Variants in VWCE observed in about 807,000 individuals in gnomAD.
The protein encoded by VWCE is von Willebrand factor C and EGF domain-containing protein.
VWCE carries 68 observed loss-of-function variants against 102.9 expected under a neutral mutation model. The observed-to-expected ratio is 0.66, with a 90% CI of 0.54 to 0.81. The LOEUF is 0.81. Ranked by LOEUF, VWCE falls within the 30% of genes least tolerant of loss-of-function variation. The probability of loss-of-function intolerance (pLI) is 0.00; values close to 1 mark genes in which losing one functional copy is unlikely to be tolerated. For synonymous variants in VWCE, 497 were observed against 515.4 expected (o/e 0.96, Z 0.48); for missense variants, 1,137 against 1,263.6 (o/e 0.90, Z 1.52).
intron 14 of VWCE, chr11:61,271,157 T>G (rs1272187579): frequency 6.4e-6 from 1 of 155,452 alleles, no homozygotes; most frequent in African/African-American, 2.5e-5. Context: ...TTTTTTTTCT[T>G]TTTTTTTGAG....
Position 61,294,910 on chromosome 11 carries a change from G to A in VWCE, c.110+18C>T. 7.3e-7 allele frequency: 1 copy of A among 1,378,720 alleles called. No homozygotes were observed. The highest frequency in any genetic ancestry group is 3.0e-5 in the East Asian group (1 of 33,084). 85.4% of individuals were successfully genotyped at this position (1,378,720 alleles called of 1,614,324 possible). A position where few individuals can be genotyped will look rare whatever the true frequency, so the allele number is the denominator to read the frequency against. ...GCTCTCCCGGGCGGGGGAGCGGGGA[G>A]GAGCTCCGGGCGCTTACCTCTCGGC... On this transcript the variant is annotated intron_variant, in intron 1 of 19. Coordinates refer to ENST00000335613, the MANE Select transcript of VWCE (RefSeq NM_152718.2). This position sits in a 1 kb window ranked among gnomAD's most constrained non-coding sequence, Gnocchi z 6.3.
chr11:61,274,781 G>T (rs1262659133), intron 11 of VWCE, among the ~76,000 whole-genome samples, 197 bp from the exon 12 acceptor site: 1 of 152,158 alleles, frequency 6.6e-6, no homozygotes, highest in African/African-American at 2.4e-5. Flanking sequence ...CCGACAAAGG[G>T]GTGGGTGTGG....
chr11:61,281,281 G>T (rs756052326), intron 7 of VWCE, 46 bp from the exon 8 acceptor site: 1 of 1,608,052 alleles, frequency 6.2e-7, no homozygotes. Context: ...AGCAGAGACA[G>T]GAGGCAGGGT....
rs768098045 is a variant in VWCE, at chr11:61,267,454, G to A, written c.1965+8C>T. The A allele has an allele frequency of 1.2e-6, 2 of 1,613,974 alleles. No individual in the cohort carries two copies. Among genetic ancestry groups the A allele is most frequent in the Non-Finnish European group, 1.7e-6 (2 of 1,179,886 alleles). Reference sequence around the variant, plus strand: ...CAGGGGCGGGAGTCAGATCTGGGTGGTCCATACCAGGCAGATGCAGCTCAG... The same window carrying A: ...CAGGGGCGGGAGTCAGATCTGGGTGATCCATACCAGGCAGATGCAGCTCAG... On this transcript the variant is annotated splice_region_variant and intron_variant, in intron 16 of 19. Coordinates refer to ENST00000335613, the MANE Select transcript of VWCE (RefSeq NM_152718.2).
At chr11:61,272,947 CACAT>C (rs1400997748) in intron 13 of VWCE, among the ~76,000 whole-genome samples, 1 of 151,932 alleles carries the variant, frequency 6.6e-6, no homozygotes, top group African/African-American at 2.4e-5. Context: ...TACAAAGACA[CACAT>C]ACGCAGGTAC....
intron 14 of VWCE, 132 bp from the exon 15 acceptor site, chr11:61,269,150 G>C: frequency 1.3e-6 from 1 of 763,822 alleles, no homozygotes; most frequent in South Asian, 1.7e-5. Context: ...GCGGCTGGAA[G>C]ATGGCAGGTC....
In VWCE at chr11:61,258,584, C is replaced by G. The variant is rs1374933295; in HGVS notation, c.*91G>C. On this transcript the variant is annotated 3_prime_UTR_variant, in exon 20 of 20. Transcript: ENST00000335613. ...CCTGCAGGAGGGAGCCCAGGCATCC[C>G]CACCAGGTTCATCCTTGGAGCTGCC... 5 of 1,268,946 alleles carry G rather than the reference C, an allele frequency of 3.9e-6. No individual in the cohort carries two copies. Among genetic ancestry groups the G allele is most frequent in the Non-Finnish European group, 5.0e-6 (5 of 993,448 alleles). The allele number at this position is 1,268,946 out of a possible 1,614,324, so 78.6% of individuals were successfully genotyped here.
Position 61,280,708 on chromosome 11 carries a change from C to T in VWCE, c.1240G>A (p.Val414Met), listed in dbSNP as rs773256116. Residue 414 changes from valine to methionine, a missense_variant, in exon 9 of 20, where the codon GTG (valine) becomes ATG (methionine). Val to Met is a conservative substitution (Grantham distance 21). This residue lies in a region of VWCE where 575 missense variants were observed against 625.9 expected (regional missense o/e 0.92). Transcript: ENST00000335613. ...CSQCWCEDGK[V>M]TCEKVRCEAA... is the part of the protein sequence containing the mutation. ...TCACACCTCACCTTTTCACAGGTCA[C>T]CTTCCCGTCCTAGAAGCACAAGCAG... The T allele has an allele frequency of 6.2e-7, 1 of 1,614,008 alleles. No individual in the cohort carries two copies. The highest frequency in any genetic ancestry group is 8.5e-7 in the Non-Finnish European group (1 of 1,180,010).
chr11:61,268,300 T>C (rs1282784256), intron 15 of VWCE, among the ~76,000 whole-genome samples: 1 of 152,188 alleles, frequency 6.6e-6, no homozygotes, highest in East Asian at 1.9e-4. Context: ...ATGCCTGTAA[T>C]CCCAGCACTT....
At chr11:61,286,160 C>T in intron 5 of VWCE, 154 bp downstream of exon 5, 1 of 778,698 alleles carries the variant, frequency 1.3e-6, no homozygotes. Context: ...ATCAGTCAGA[C>T]AGGAACCATA....
Position 61,294,980 on chromosome 11 carries a change from G to T in VWCE, c.58C>A (p.Pro20Thr). The change falls in exon 1 of 20, where the codon CCA (proline) becomes ACA (threonine). Residue 20 changes from proline to threonine, a missense_variant. Physicochemically the swap from Pro to Thr is conservative, Grantham distance 38. Coordinates refer to ENST00000335613, the MANE Select transcript of VWCE (RefSeq NM_152718.2). This position sits in a 1 kb window ranked among gnomAD's most constrained non-coding sequence, Gnocchi z 6.3. ...TTCCTCCCGGTGTAGCCTCGGGCTG[G>T]TGCCCCCGGCAGCAGGAGCGCGACA... Reference protein sequence around the residue: ...ACVALLLPGAPARGYTGRKPP... With the variant: ...ACVALLLPGATARGYTGRKPP... 1.4e-6 allele frequency: 2 copies of T among 1,473,920 alleles called. No individual in the cohort carries two copies. The highest frequency in any genetic ancestry group is 1.8e-6 in the Non-Finnish European group (2 of 1,114,034). The allele number at this position is 1,473,920 out of a possible 1,614,324, so 91.3% of individuals were successfully genotyped here. A position where few individuals can be genotyped will look rare whatever the true frequency, so the allele number is the denominator to read the frequency against.
intron 4 of VWCE, among the ~76,000 whole-genome samples, chr11:61,287,245 G>A (rs539817328): frequency 1.3e-5 from 2 of 152,208 alleles, no homozygotes; most frequent in African/African-American, 4.8e-5. Context: ...CTGCACCCCA[G>A]GAAAAAAGAG....
At chr11:61,290,960 C>T in intron 3 of VWCE, 33 bp from the exon 4 acceptor site, 1 of 1,596,800 alleles carries the variant, frequency 6.3e-7, no homozygotes, top group Non-Finnish European at 8.6e-7. Flanking sequence ...GAGCATGCAC[C>T]CCGTGGCAGT....
In VWCE at chr11:61,269,181, A is replaced by G. The variant is rs181977208; in HGVS notation, c.1786-163T>C. 3.1e-3 allele frequency: 1,979 copies of G among 629,068 alleles called. 5 individuals carry two copies. The highest frequency in any genetic ancestry group is 4.3e-3 in the Non-Finnish European group (1,515 of 355,862). 39.0% of individuals were successfully genotyped at this position (629,068 alleles called of 1,614,324 possible). On this transcript the variant is annotated intron_variant, in intron 14 of 19. Coordinates refer to ENST00000335613, the MANE Select transcript of VWCE (RefSeq NM_152718.2). Reference sequence around the variant, plus strand: ...AGGTCTCCCCTAAAGAGGATCGGCTACTTGAGAAAGGCCATGTGAGCCTTC... The same window carrying G: ...AGGTCTCCCCTAAAGAGGATCGGCTGCTTGAGAAAGGCCATGTGAGCCTTC...
At chr11:61,262,287 G>A (rs546178519) in intron 19 of VWCE, among the ~76,000 whole-genome samples, 1 of 152,272 alleles carries the variant, frequency 6.6e-6, no homozygotes, top group East Asian at 1.9e-4. Flanking sequence ...AGTTTCCCCA[G>A]GTGGAGGTAG....
chr11:61,261,962 T>C (rs955658118), intron 19 of VWCE, among the ~76,000 whole-genome samples: 1 of 152,144 alleles, frequency 6.6e-6, no homozygotes, highest in Non-Finnish European at 1.5e-5. Flanking sequence ...TCTTGGTTTT[T>C]GTTTTTGTTT....
Position 61,258,828 on chromosome 11 carries a change from G to A in VWCE, c.2715C>T (p.Asp905=). The change falls in exon 20 of 20, where the codon GAC becomes GAT. Residue 905 remains aspartate, a synonymous_variant. Coordinates refer to ENST00000335613, the MANE Select transcript of VWCE (RefSeq NM_152718.2). ...LTEASALSMM[D]PSPSKTPITL... ...TGATGGGGGTCTTCGAGGGGCTGGG[G>A]TCCATCATGGAAAGTGCTGAAGCTT... 2 of 1,511,970 alleles carry A rather than the reference G, an allele frequency of 1.3e-6. No homozygotes were observed. The highest frequency in any genetic ancestry group is 1.8e-6 in the Non-Finnish European group (2 of 1,132,300). The allele number at this position is 1,511,970 out of a possible 1,614,324, so 93.7% of individuals were successfully genotyped here.
rs917073476 is a variant in VWCE at position 61,294,461 on chromosome 11, G to T, written c.110+467C>A. ...GCGCGCACACGCACGGACAGAAAAC[G>T]AAAAGTGACCCAGAGACCCCGGCTG... is the stretch of plus-strand genomic sequence containing the variant. On this transcript the variant is annotated intron_variant, in intron 1 of 19. Transcript: ENST00000335613. The surrounding 1 kb of genome is among the most constrained non-coding windows in gnomAD (Gnocchi z 6.3). Among the ~76,000 whole-genome samples the T allele has an allele frequency of 3.3e-5, 5 of 152,194 alleles. No homozygotes were observed. Among genetic ancestry groups the T allele is most frequent in the Non-Finnish European group, 5.9e-5 (4 of 68,024 alleles).
rs1441808437 is a variant in VWCE, at chr11:61,281,216, C to A, written c.807G>T (p.Leu269=). Residue 269 remains leucine (L), a synonymous_variant, in exon 8 of 20, where the codon CTG becomes CTT. Coordinates refer to ENST00000335613, the MANE Select transcript of VWCE (RefSeq NM_152718.2). ...GGGGTTGCAGGATGGCAGATGGGGC[C>A]AGCACGGCTTTCGGGAAAGCTGAAA... is the stretch of plus-strand genomic sequence containing the variant. The part of the protein sequence containing the change: ...VSCEAFPKAV[L]APSAILQPRQ... 6.2e-7 allele frequency: 1 copy of A among 1,612,568 alleles called. No homozygotes were observed. The highest frequency in any genetic ancestry group is 8.5e-7 in the Non-Finnish European group (1 of 1,179,992).
Sources: gnomAD v4.1 joint callset for allele counts (sites outside exome capture counted in the v4.1 genomes callset) on GRCh38, gnomAD v4.1.1 for gene constraint, gnomAD v4.1.1 regional missense constraint, Gnocchi (gnomAD v3.1) non-coding constraint, MANE v1.5 for transcripts, NCBI Gene and HGNC (gene_info 2026-07-23, HGNC 2026-07-21) for gene names.